Variants in JMJD1C observed in about 807,000 individuals in gnomAD.
JMJD1C encodes the protein jumonji domain-containing protein 1C.
JMJD1C carries 31 observed loss-of-function variants against 245.3 expected under a neutral mutation model. That is an observed-to-expected ratio of 0.13 (90% CI 0.09 to 0.17). JMJD1C has a LOEUF of 0.17. Among genes scored for constraint, JMJD1C ranks in the 10% least tolerant of loss-of-function variants. The pLI, the probability that JMJD1C is intolerant of heterozygous loss-of-function variation, is 1.00. For missense variants in JMJD1C, 2,691 were observed against 3,000.2 expected, an observed-to-expected ratio of 0.90 and a Z score of 2.41; for synonymous variants, 1,057 against 1,017.4, an observed-to-expected ratio of 1.04 and a Z score of -0.74.
chr10:63,370,879 C>T (rs982687972), intron 2 of JMJD1C, among the ~76,000 whole-genome samples: 1 of 152,084 alleles, frequency 6.6e-6, no homozygotes, highest in African/African-American at 2.4e-5. Context: ...ATGAAATTTC[C>T]AATTTGCTAG....
chr10:63,245,358 T>C (rs939494553), intron 3 of JMJD1C, among the ~76,000 whole-genome samples: 3 of 151,466 alleles, frequency 2.0e-5, no homozygotes, highest in African/African-American at 7.3e-5. Context: ...AAAGATTTAA[T>C]AGACTTACAG....
At chr10:63,284,856 TTCACACACAC>T (rs756289175) in intron 2 of JMJD1C, among the ~76,000 whole-genome samples, 2 of 101,130 alleles carry the variant, frequency 2.0e-5, no homozygotes, top group South Asian at 3.5e-4. Flanking sequence ...GCAGGGAAGA[TTCACACACAC>T]ACACACACAC....
intron 2 of JMJD1C, among the ~76,000 whole-genome samples, chr10:63,303,043 C>T (rs533797690): frequency 1.1e-4 from 16 of 152,226 alleles, no homozygotes; most frequent in African/African-American, 3.1e-4. Flanking sequence ...ACCACCACAC[C>T]CAGCTAGAAA....
intron 2 of JMJD1C, among the ~76,000 whole-genome samples, chr10:63,267,366 G>A (rs964497235): frequency 6.6e-6 from 1 of 151,850 alleles, no homozygotes; most frequent in African/African-American, 2.4e-5. Context: ...TTTTGTATTA[G>A]TCTAGTACAT....
chr10:63,496,405 A>G (rs1260279637), intron 1 of JMJD1C, among the ~76,000 whole-genome samples: 1 of 152,224 alleles, frequency 6.6e-6, no homozygotes, highest in Admixed American at 6.5e-5. Flanking sequence ...GAAACTACCT[A>G]GGGGTAGCTC....
chr10:63,192,511 T>TGAGCCAAGATC (rs1309472732), intron 16 of JMJD1C, among the ~76,000 whole-genome samples: 3 of 152,166 alleles, frequency 2.0e-5, no homozygotes, highest in African/African-American at 7.2e-5. Flanking sequence ...GAGATTGCAG[T>TGAGCCAAGATC]GAGCCAAGAT....
intron 1 of JMJD1C, among the ~76,000 whole-genome samples, chr10:63,459,979 T>C (rs1952671059): frequency 6.6e-6 from 1 of 152,196 alleles, no homozygotes; most frequent in Admixed American, 6.5e-5. Flanking sequence ...TTGGTTTACC[T>C]TAAAGTAGAA....
intron 1 of JMJD1C, among the ~76,000 whole-genome samples, chr10:63,404,869 T>TG (rs1327991079): frequency 6.6e-6 from 1 of 152,174 alleles, no homozygotes; most frequent in African/African-American, 2.4e-5. Flanking sequence ...AAGCAGTACA[T>TG]GGGGTGAAAA....
At chr10:63,264,543 C>G in intron 3 of JMJD1C, 108 bp downstream of exon 3, 2 of 588,930 alleles carry the variant, frequency 3.4e-6, no homozygotes, top group Non-Finnish European at 2.9e-6. Context: ...TTTCACACAA[C>G]TAGAAGTTAG....
chr10:63,453,817 C>T (rs12761593), intron 1 of JMJD1C, among the ~76,000 whole-genome samples: 30,678 of 152,164 alleles, frequency 0.2, 4,055 homozygotes, highest in Non-Finnish European at 0.29. Flanking sequence ...TGGCTCACTG[C>T]AACCTCCGCC....
intron 24 of JMJD1C, 71 bp from the exon 25 acceptor site, chr10:63,168,637 A>C: frequency 1.5e-6 from 2 of 1,368,030 alleles, no homozygotes; most frequent in Non-Finnish European, 1.9e-6. Context: ...AGTTATTTAA[A>C]ACCAATAAAC....
chr10:63,320,519 T>C (rs1589469004), intron 2 of JMJD1C, among the ~76,000 whole-genome samples: 1 of 152,122 alleles, frequency 6.6e-6, no homozygotes, highest in East Asian at 1.9e-4. Flanking sequence ...GGAAAATACC[T>C]AAGGTGGAAT....
intron 3 of JMJD1C, among the ~76,000 whole-genome samples, chr10:63,226,321 G>T (rs1038900768): frequency 6.6e-6 from 1 of 152,182 alleles, no homozygotes; most frequent in African/African-American, 2.4e-5. Flanking sequence ...CCTTAGTCAT[G>T]ATCTACAAAT....
intron 2 of JMJD1C, among the ~76,000 whole-genome samples, chr10:63,317,471 T>C (rs1419323220): frequency 6.6e-6 from 1 of 152,074 alleles, no homozygotes; most frequent in Non-Finnish European, 1.5e-5. Context: ...CATTGGAACT[T>C]ATTTCTTCTA....
chr10:63,442,580 G>GA (rs1951455848), intron 1 of JMJD1C, among the ~76,000 whole-genome samples: 1 of 152,150 alleles, frequency 6.6e-6, no homozygotes, highest in South Asian at 2.1e-4. Context: ...AAAACGAAGA[G>GA]AAAGTTTTCA....
intron 1 of JMJD1C, among the ~76,000 whole-genome samples, chr10:63,398,457 T>C (rs182990966): frequency 3.7e-4 from 57 of 152,236 alleles, no homozygotes; most frequent in East Asian, 2.7e-3. Context: ...AAATTCAAGG[T>C]TGATAATTAG....
intron 1 of JMJD1C, among the ~76,000 whole-genome samples, chr10:63,419,751 A>T (rs1950010110): frequency 6.6e-6 from 1 of 151,674 alleles, no homozygotes; most frequent in Non-Finnish European, 1.5e-5. Flanking sequence ...GAAAATCTCA[A>T]ATCACACTAA....
intron 1 of JMJD1C, among the ~76,000 whole-genome samples, chr10:63,426,727 G>GA (rs1950462701): frequency 6.6e-6 from 1 of 151,986 alleles, no homozygotes; most frequent in African/African-American, 2.4e-5. Flanking sequence ...CTATCCTTAT[G>GA]AAAATCTCAT....
At chr10:63,457,977 T>C (rs1952522946) in intron 1 of JMJD1C, among the ~76,000 whole-genome samples, 2 of 152,190 alleles carry the variant, frequency 1.3e-5, no homozygotes, top group Admixed American at 6.6e-5. Context: ...AGTTCTACAA[T>C]ATAAGATAAA....
Sources: gnomAD v4.1 joint callset for allele counts (sites outside exome capture counted in the v4.1 genomes callset) on GRCh38, gnomAD v4.1.1 for gene constraint, MANE v1.5 for transcripts, NCBI Gene and HGNC (gene_info 2026-07-23, HGNC 2026-07-21) for gene names.